Variants in SERAC1 observed in about 807,000 individuals in gnomAD.
SERAC1 encodes protein SERAC1.
A neutral mutation model predicts 85.7 loss-of-function variants in SERAC1; 36 were observed. The observed-to-expected ratio is 0.42, with a 90% CI of 0.32 to 0.55. The LOEUF is 0.55. Ranked by LOEUF, SERAC1 falls within the 20% of genes least tolerant of loss-of-function variation. The pLI is 0.11. For missense variants in SERAC1, 629 were observed against 796.2 expected (o/e 0.79, Z 2.53); for synonymous variants, 242 against 265.3 (o/e 0.91, Z 0.85).
intron 13 of SERAC1, chr6:158,116,935 C>T (rs1201653819): frequency 6.5e-6 from 1 of 152,760 alleles, no homozygotes; most frequent in Admixed American, 6.5e-5. Context: ...CTAGCATAAA[C>T]AGGATGCTAA....
Position 158,119,177 on chromosome 6 carries a change from G to T in SERAC1, c.1167-7C>A. The T allele has an allele frequency of 6.2e-7, 1 of 1,604,534 alleles. No individual in the cohort carries two copies. Among genetic ancestry groups the T allele is most frequent in the African/African-American group, 1.3e-5 (1 of 74,820 alleles). On this transcript the variant is annotated splice_polypyrimidine_tract_variant and splice_region_variant and intron_variant, in intron 11 of 16. Transcript: ENST00000647468. The surrounding 1 kb of genome is among the most constrained non-coding windows in gnomAD (Gnocchi z 4.5). ...ATCTGCTTTAATGGGCTGACTAATA[G>T]GGGAGAGAGTTTTAAAAAGAAGCAG...
intron 8 of SERAC1, among the ~76,000 whole-genome samples, chr6:158,136,303 A>G (rs918159281): frequency 1.7e-4 from 26 of 152,316 alleles, no homozygotes; most frequent in African/African-American, 6.3e-4. Context: ...CAGTATTTCA[A>G]TATAATTTGT....
At chr6:158,122,237 T>C (rs1201785212) in intron 10 of SERAC1, among the ~76,000 whole-genome samples, 1 of 152,224 alleles carries the variant, frequency 6.6e-6, no homozygotes, top group East Asian at 1.9e-4. Context: ...AAGTATACTT[T>C]GCGATGTTTG....
At chr6:158,129,963 T>C (rs1291599989) in intron 9 of SERAC1, among the ~76,000 whole-genome samples, 1 of 152,222 alleles carries the variant, frequency 6.6e-6, no homozygotes, top group Non-Finnish European at 1.5e-5. Context: ...CCCAAAGTGC[T>C]GGGATTACAG....
chr6:158,147,951 TCTC>T (rs1785111854), intron 5 of SERAC1, among the ~76,000 whole-genome samples: 1 of 152,050 alleles, frequency 6.6e-6, no homozygotes, highest in African/African-American at 2.4e-5. Flanking sequence ...TCAACCTGCA[TCTC>T]CTAAGAACAA....
chr6:158,127,473 G>A (rs1167006464), intron 10 of SERAC1, among the ~76,000 whole-genome samples: 1 of 5,402 alleles, frequency 1.9e-4, no homozygotes, highest in African/African-American at 4.8e-4. Flanking sequence ...CCTCTGTCCG[G>A]CCACCACCCC....
intron 6 of SERAC1, 145 bp downstream of exon 6, chr6:158,146,637 C>A: frequency 1.1e-6 from 1 of 946,098 alleles, no homozygotes; most frequent in Non-Finnish European, 1.6e-6. Context: ...GTCTTGAACT[C>A]CTGACCTTGT....
rs754645464 is a variant in SERAC1, at chr6:158,117,784, A to G, written c.1346T>C (p.Ile449Thr). 2 of 1,614,180 alleles carry G rather than the reference A, an allele frequency of 1.2e-6. No homozygotes were observed. Among genetic ancestry groups the G allele is most frequent in the Non-Finnish European group, 1.7e-6 (2 of 1,179,996 alleles). Reference protein sequence around the residue: ...LAKDCPALRIISVEYDTSLSD... With the variant: ...LAKDCPALRITSVEYDTSLSD... ...GAGGCTGGTGTCATACTCCACAGAT[A>G]TAATTCGGAGAGCAGGACAGTCTTT... Residue 449 changes from isoleucine (I) to threonine (T), a missense_variant, in exon 13 of 17, where the codon ATA becomes ACA. Coordinates refer to ENST00000647468, the MANE Select transcript of SERAC1 (RefSeq NM_032861.4). This position sits in a 1 kb window ranked among gnomAD's most constrained non-coding sequence, Gnocchi z 4.3.
intron 6 of SERAC1, 188 bp downstream of exon 6, chr6:158,146,594 A>T (rs1785065135): frequency 2.0e-6 from 1 of 497,136 alleles, no homozygotes; most frequent in Non-Finnish European, 3.5e-6. Flanking sequence ...TATTTTTAGT[A>T]GAGACGGGGT....
intron 8 of SERAC1, among the ~76,000 whole-genome samples, chr6:158,130,994 T>C (rs899183933): frequency 6.6e-6 from 1 of 152,164 alleles, no homozygotes; most frequent in African/African-American, 2.4e-5. Flanking sequence ...CAAGTTCTTA[T>C]GGAAGGATAA....
intron 8 of SERAC1, among the ~76,000 whole-genome samples, chr6:158,141,071 T>C (rs1265230263): frequency 6.6e-6 from 1 of 152,046 alleles, no homozygotes; most frequent in African/African-American, 2.4e-5. Flanking sequence ...AACAGATAAA[T>C]AAAATGCGGC....
chr6:158,133,876 T>A (rs1465948674), intron 8 of SERAC1, among the ~76,000 whole-genome samples: 1 of 152,218 alleles, frequency 6.6e-6, no homozygotes, highest in Non-Finnish European at 1.5e-5. Context: ...CTTTGTTTTT[T>A]CCTAACCTCT....
chr6:158,117,405 G>T lies in SERAC1; in HGVS notation c.1403+322C>A. 1 of 998,166 alleles carries T rather than the reference G, an allele frequency of 1.0e-6. No homozygotes were observed. The highest frequency in any genetic ancestry group is 1.5e-6 in the Non-Finnish European group (1 of 688,612). 61.8% of individuals were successfully genotyped at this position (998,166 alleles called of 1,614,324 possible). A position where few individuals can be genotyped will look rare whatever the true frequency, so the allele number is the denominator to read the frequency against. On this transcript the variant is annotated intron_variant, in intron 13 of 16. Coordinates refer to ENST00000647468, the MANE Select transcript of SERAC1 (RefSeq NM_032861.4). The surrounding 1 kb of genome is among the most constrained non-coding windows in gnomAD (Gnocchi z 4.3). Reference sequence around the variant, plus strand: ...GCTTCCTTTAGCCAGTATGATTGTGGACACAAGAACAAAAAAACATCACTT... The same window carrying T: ...GCTTCCTTTAGCCAGTATGATTGTGTACACAAGAACAAAAAAACATCACTT...
chr6:158,113,459 C>T lies in SERAC1; in HGVS notation c.1818G>A (p.Val606=). The T allele has an allele frequency of 6.2e-7, 1 of 1,611,968 alleles. No homozygotes were observed. The highest frequency in any genetic ancestry group is 1.3e-5 in the African/African-American group (1 of 74,996). The change falls in exon 16 of 17, where the codon GTG becomes GTA. Residue 606 remains valine, a synonymous_variant. Coordinates refer to ENST00000647468, the MANE Select transcript of SERAC1 (RefSeq NM_032861.4). ...GSMIKLHVVP[V]ESADLGIGDL... is the part of the protein sequence containing the mutation. ...CAAAAGAGTGAATACCTGCTGATTC[C>T]ACAGGTACCACATGGAGCTTAATCA...
At chr6:158,116,127 C>T in intron 14 of SERAC1, 58 bp downstream of exon 14, 1 of 1,395,006 alleles carries the variant, frequency 7.2e-7, no homozygotes, top group Non-Finnish European at 1.0e-6. Flanking sequence ...TTAGGTTGGC[C>T]ACAGTGGCTG....
At chr6:158,154,782 C>T (rs760040695) in intron 3 of SERAC1, among the ~76,000 whole-genome samples, 1 of 152,140 alleles carries the variant, frequency 6.6e-6, no homozygotes, top group South Asian at 2.1e-4. Context: ...TCAATTTGTA[C>T]CTTTTTCACC....
intron 1 of SERAC1, among the ~76,000 whole-genome samples, chr6:158,165,510 C>T (rs1488773062): frequency 2.6e-5 from 4 of 152,150 alleles, no homozygotes; most frequent in African/African-American, 9.7e-5. Flanking sequence ...TACGATCTTT[C>T]CTGACCTATC....
chr6:158,130,771 A>G (rs753597568), intron 8 of SERAC1, among the ~76,000 whole-genome samples: 35 of 152,212 alleles, frequency 2.3e-4, no homozygotes, highest in Admixed American at 6.5e-4. Context: ...TCTTTTAACA[A>G]GTAAGAAAAG....
At chr6:158,154,548 A>G (rs1210633797) in intron 3 of SERAC1, among the ~76,000 whole-genome samples, 1 of 152,228 alleles carries the variant, frequency 6.6e-6, no homozygotes, top group Non-Finnish European at 1.5e-5. Context: ...ATTAACAAAT[A>G]CAGTACGATA....
Sources: gnomAD v4.1 joint callset for allele counts (sites outside exome capture counted in the v4.1 genomes callset) on GRCh38, gnomAD v4.1.1 for gene constraint, Gnocchi (gnomAD v3.1) non-coding constraint, MANE v1.5 for transcripts, NCBI Gene and HGNC (gene_info 2026-07-23, HGNC 2026-07-21) for gene names.